The following SMOC2 variants were observed in gnomAD, a reference collection of about 807,000 sequenced individuals.
SMOC2 encodes SPARC related modular calcium binding 2, also known as SPARC-related modular calcium-binding protein 2.
A neutral mutation model predicts 61.4 loss-of-function variants in SMOC2; 39 were observed. That is an observed-to-expected ratio of 0.64 (90% CI 0.49 to 0.83). SMOC2 has a LOEUF of 0.83. Ranked by LOEUF, SMOC2 falls within the 40% of genes least tolerant of loss-of-function variation. The pLI is 0.00. For missense variants in SMOC2, 556 were observed against 592.9 expected, an observed-to-expected ratio of 0.94 and a Z score of 0.65; for synonymous variants, 247 against 239.9, an observed-to-expected ratio of 1.03 and a Z score of -0.27.
At chr6:168,516,627 C>T in intron 2 of SMOC2, among the ~76,000 whole-genome samples, 1 of 149,116 alleles carries the variant, frequency 6.7e-6, no homozygotes, top group South Asian at 2.2e-4. Context: ...GCATCTGGCA[C>T]ACATGAGGCC....
chr6:168,455,135 G>A (rs1001972129), intron 1 of SMOC2, among the ~76,000 whole-genome samples: 1 of 152,140 alleles, frequency 6.6e-6, no homozygotes, highest in African/African-American at 2.4e-5. Context: ...GGAGGAACTG[G>A]GGCTTTGTCC....
At chr6:168,626,297 GT>G (rs1157270349) in intron 9 of SMOC2, among the ~76,000 whole-genome samples, 1 of 152,192 alleles carries the variant, frequency 6.6e-6, no homozygotes, top group Non-Finnish European at 1.5e-5. Flanking sequence ...GTGGCTTGGG[GT>G]GTGAGGAAAG....
At chr6:168,443,801 G>A (rs563376675) in intron 1 of SMOC2, among the ~76,000 whole-genome samples, 1 of 152,354 alleles carries the variant, frequency 6.6e-6, no homozygotes, top group South Asian at 2.1e-4. Context: ...TCAAGAGGCA[G>A]TATCAGTCCA....
At chr6:168,449,711 G>A (rs1781417179) in intron 1 of SMOC2, among the ~76,000 whole-genome samples, 1 of 152,146 alleles carries the variant, frequency 6.6e-6, no homozygotes, top group South Asian at 2.1e-4. Flanking sequence ...TTAAGATTCT[G>A]GGCTGTCCAG....
chr6:168,595,721 CAT>C (rs1785313571), intron 7 of SMOC2, among the ~76,000 whole-genome samples: 1 of 152,212 alleles, frequency 6.6e-6, no homozygotes, highest in South Asian at 2.1e-4. Flanking sequence ...TTTATATAAA[CAT>C]ACACGAAGTT....
chr6:168,507,597 G>A (rs540553685), intron 1 of SMOC2, among the ~76,000 whole-genome samples: 2 of 152,178 alleles, frequency 1.3e-5, no homozygotes, highest in South Asian at 2.1e-4. Context: ...CCCCCGGGGC[G>A]CCCCCCACTG....
At chr6:168,601,949 C>T (rs1291036851) in intron 8 of SMOC2, among the ~76,000 whole-genome samples, 1 of 152,190 alleles carries the variant, frequency 6.6e-6, no homozygotes, top group Non-Finnish European at 1.5e-5. Context: ...CGGGCAGCTC[C>T]GTCTTTTTGG....
chr6:168,619,605 C>T (rs1786194519), intron 9 of SMOC2, among the ~76,000 whole-genome samples: 1 of 152,188 alleles, frequency 6.6e-6, no homozygotes, highest in Non-Finnish European at 1.5e-5. Flanking sequence ...AGACTTCCCT[C>T]CTATCTTTTC....
chr6:168,529,354 G>C (rs761146137), intron 4 of SMOC2, among the ~76,000 whole-genome samples: 1 of 152,218 alleles, frequency 6.6e-6, no homozygotes. Context: ...GAAAAGCTTC[G>C]ATGCCGAGGG....
intron 1 of SMOC2, among the ~76,000 whole-genome samples, chr6:168,464,214 A>AAAGG (rs1037434410): frequency 6.7e-6 from 1 of 149,746 alleles, no homozygotes; most frequent in Non-Finnish European, 1.5e-5. Context: ...AGGAAGGAAG[A>AAAGG]AAGGAAGGAA....
At chr6:168,573,681 G>T (rs1481683111) in intron 7 of SMOC2, among the ~76,000 whole-genome samples, 1 of 152,074 alleles carries the variant, frequency 6.6e-6, no homozygotes, top group Non-Finnish European at 1.5e-5. Context: ...GCGTGCCCTG[G>T]TATCCGCTTC....
In SMOC2 at chr6:168,596,423, CAGGG is replaced by C. The variant is rs1206580392; in HGVS notation, c.638-2394_638-2391del. Among the ~76,000 whole-genome samples the C allele has an allele frequency of 2.5e-4, 38 of 149,818 alleles. 1 individual carries two copies. Among genetic ancestry groups the C allele is most frequent in the African/African-American group, 9.1e-4 (36 of 39,698 alleles). ...TGTGAACACGGCAGTGATGAGTTTCCAGGGTGCTGCTGGAGGGGCATGAGCAAGC... is the reference window on the plus strand; with the variant it reads ...TGTGAACACGGCAGTGATGAGTTTCCTGCTGCTGGAGGGGCATGAGCAAGC... On this transcript the variant is annotated intron_variant, in intron 7 of 12. Coordinates refer to ENST00000356284, the MANE Select transcript of SMOC2 (RefSeq NM_001166412.2).
intron 1 of SMOC2, among the ~76,000 whole-genome samples, chr6:168,473,076 A>T (rs923782532): frequency 1.3e-5 from 2 of 152,176 alleles, no homozygotes; most frequent in African/African-American, 2.4e-5. Context: ...TGGTGTGTTA[A>T]GATGAAGAGT....
chr6:168,512,367 C>T (rs766088579), intron 2 of SMOC2, among the ~76,000 whole-genome samples: 34 of 152,148 alleles, frequency 2.2e-4, no homozygotes, highest in Non-Finnish European at 2.9e-4. Context: ...CAGACCCCAG[C>T]GTCACCAGCA....
chr6:168,527,696 TGCCGTG>T lies in SMOC2; in HGVS notation c.436_441del (p.Val146_Ala147del), dbSNP rs1202782349. 8 of 1,551,998 alleles carry T rather than the reference TGCCGTG, an allele frequency of 5.2e-6. No homozygotes were observed. The highest frequency in any genetic ancestry group is 7.0e-6 in the Non-Finnish European group (8 of 1,147,424). On this transcript the variant is annotated inframe_deletion, in exon 4 of 13. Coordinates refer to ENST00000356284, the MANE Select transcript of SMOC2 (RefSeq NM_001166412.2). ...CCAACGGGAGGCCCATCAGCGGCAC[TGCCGTG>T]GCCCACAAGACGCCCCGGTGCCCGG...
intron 7 of SMOC2, among the ~76,000 whole-genome samples, chr6:168,567,998 T>C (rs1583117241): frequency 6.7e-6 from 1 of 150,012 alleles, no homozygotes; most frequent in East Asian, 2.0e-4. Context: ...ATGGTGTGAG[T>C]CGGTGTCTCA....
intron 9 of SMOC2, among the ~76,000 whole-genome samples, chr6:168,623,482 CTTATTTAT>C (rs146563724): frequency 0.26 from 37,566 of 146,308 alleles, 4,931 homozygotes; most frequent in Non-Finnish European, 0.27. Flanking sequence ...CCCCACCTGG[CTTATTTAT>C]TTATTTATTT....
intron 4 of SMOC2, among the ~76,000 whole-genome samples, chr6:168,538,026 T>C (rs1783774000): frequency 1.3e-5 from 2 of 148,316 alleles, no homozygotes; most frequent in African/African-American, 2.5e-5. Flanking sequence ...TCTGGGGGAA[T>C]GGGGTGACCA....
intron 7 of SMOC2, among the ~76,000 whole-genome samples, chr6:168,598,088 A>G (rs1785375636): frequency 2.6e-5 from 4 of 152,242 alleles, no homozygotes; most frequent in Admixed American, 2.6e-4. Context: ...CAGGCTGAGT[A>G]TGAATACCTC....
Sources: allele counts gnomAD v4.1 joint callset (sites outside exome capture counted in the v4.1 genomes callset), GRCh38; gene constraint gnomAD v4.1.1; transcripts MANE v1.5; gene names NCBI Gene and HGNC (gene_info 2026-07-23, HGNC 2026-07-21).